KCNK13: variants seen among roughly 807,000 people sequenced by gnomAD.
KCNK13 encodes the protein potassium two pore domain channel subfamily K member 13, also known as potassium channel subfamily K member 13.
Under a neutral mutation model 23.4 loss-of-function variants are expected in KCNK13, and 12 were observed. The ratio of observed to expected loss-of-function variants is 0.51; its 90% CI spans 0.33 to 0.83. The LOEUF (loss-of-function observed/expected upper bound fraction) is 0.83. KCNK13 is among the 40% of genes least tolerant of loss of function. KCNK13 has a pLI of 0.02. For missense variants in KCNK13, 463 were observed against 556.3 expected (o/e 0.83, Z 1.69); for synonymous variants, 231 against 229.5 (o/e 1.01, Z -0.06).
intron 1 of KCNK13, among the ~76,000 whole-genome samples, chr14:90,104,364 T>A (rs1455631905): frequency 2.0e-5 from 3 of 152,178 alleles, no homozygotes; most frequent in Admixed American, 2.0e-4. Context: ...GTAACATCTT[T>A]GAAATCTATG....
intron 1 of KCNK13, among the ~76,000 whole-genome samples, chr14:90,135,290 C>T (rs76138838): frequency 0.099 from 15,072 of 152,158 alleles, 1,063 homozygotes; most frequent in Admixed American, 0.25. Flanking sequence ...AGTGTGCTGC[C>T]GTCAAGCGTC....
At position 90,062,354 on chromosome 14, in the gene KCNK13, A is replaced by G. The variant is rs1234927131; in HGVS notation, c.149A>G (p.Lys50Arg). 1.3e-5 allele frequency: 20 copies of G among 1,556,298 alleles called. No homozygotes were observed. The highest frequency in any genetic ancestry group is 1.6e-5 in the Non-Finnish European group (19 of 1,153,622). The change falls in exon 1 of 2, where the codon AAG becomes AGG. Residue 50 changes from lysine to arginine, a missense_variant. Physicochemically the swap from Lys to Arg is conservative, Grantham distance 26. Coordinates refer to ENST00000282146, the MANE Select transcript of KCNK13 (RefSeq NM_022054.4). This position sits in a 1 kb window ranked among gnomAD's most constrained non-coding sequence, Gnocchi z 4.5. ...GAGCTGGCGCACGAGCGCCAGGCCA[A>G]GCAGCGCTGGGAGGAGCGCCTGGCC... is the stretch of plus-strand genomic sequence containing the variant. ...ALELAHERQA[K>R]QRWEERLANF...
chr14:90,066,056 C>T (rs768651484), intron 1 of KCNK13, among the ~76,000 whole-genome samples: 1 of 152,148 alleles, frequency 6.6e-6, no homozygotes, highest in Non-Finnish European at 1.5e-5. Flanking sequence ...CCCTGCCTCC[C>T]GGGTTCAAGC....
At chr14:90,169,682 C>T (rs1890342660) in intron 1 of KCNK13, among the ~76,000 whole-genome samples, 1 of 152,150 alleles carries the variant, frequency 6.6e-6, no homozygotes, top group South Asian at 2.1e-4. Flanking sequence ...CCCCCTGGAC[C>T]TCTCCATGGG....
At chr14:90,159,719 AG>A (rs1380358319) in intron 1 of KCNK13, among the ~76,000 whole-genome samples, 2 of 152,226 alleles carry the variant, frequency 1.3e-5, no homozygotes, top group Non-Finnish European at 2.9e-5. Flanking sequence ...AAGTCCTACG[AG>A]GGTGGTACTG....
chr14:90,175,508 T>C (rs1233835161), intron 1 of KCNK13, among the ~76,000 whole-genome samples: 1 of 152,304 alleles, frequency 6.6e-6, no homozygotes, highest in East Asian at 1.9e-4. Context: ...TGAACCTCCA[T>C]TAAATTCCAC....
intron 1 of KCNK13, among the ~76,000 whole-genome samples, chr14:90,074,379 A>G (rs1227259503): frequency 6.6e-6 from 1 of 152,224 alleles, no homozygotes; most frequent in South Asian, 2.1e-4. Flanking sequence ...TTTGGTATGT[A>G]GAAAAGATTT....
intron 1 of KCNK13, among the ~76,000 whole-genome samples, chr14:90,087,142 ATATATATATATATT>A (rs1566949163): frequency 1.5e-4 from 17 of 113,430 alleles, no homozygotes; most frequent in African/African-American, 5.5e-4. Context: ...ATATATATAT[ATATATATATATATT>A]TTTTTTTTTT....
intron 1 of KCNK13, among the ~76,000 whole-genome samples, chr14:90,154,456 C>T (rs988859798): frequency 6.6e-6 from 1 of 152,038 alleles, no homozygotes; most frequent in Non-Finnish European, 1.5e-5. Flanking sequence ...TCTCTACCCA[C>T]AATGCCTGCT....
At chr14:90,077,637 T>C (rs1484676998) in intron 1 of KCNK13, among the ~76,000 whole-genome samples, 2 of 152,238 alleles carry the variant, frequency 1.3e-5, no homozygotes, top group African/African-American at 4.8e-5. Context: ...CTGATGGCCG[T>C]CTGCTGACAG....
intron 1 of KCNK13, among the ~76,000 whole-genome samples, chr14:90,141,173 C>G (rs1222892051): frequency 6.6e-6 from 1 of 152,230 alleles, no homozygotes; most frequent in Non-Finnish European, 1.5e-5. Flanking sequence ...AGGTTGACTG[C>G]ATTCCCAGGA....
chr14:90,062,555 G>A lies in KCNK13; in HGVS notation c.334+16G>A, dbSNP rs748483611. On this transcript the variant is annotated intron_variant, in intron 1 of 1. Coordinates refer to ENST00000282146, the MANE Select transcript of KCNK13 (RefSeq NM_022054.4). The surrounding 1 kb of genome is among the most constrained non-coding windows in gnomAD (Gnocchi z 4.5). Reference sequence around the variant, plus strand: ...TCCACCATAGGTAAGTGTGCTGGCCGGACTCGCTGACAACCTCCGGGCGGC... The same window carrying A: ...TCCACCATAGGTAAGTGTGCTGGCCAGACTCGCTGACAACCTCCGGGCGGC... 6.2e-6 allele frequency: 9 copies of A among 1,442,360 alleles called. No homozygotes were observed. In the Admixed American group the frequency reaches 1.6e-4, roughly 26 times the overall value. 89.3% of individuals were successfully genotyped at this position (1,442,360 alleles called of 1,614,324 possible).
At chr14:90,137,644 G>A (rs3926045) in intron 1 of KCNK13, among the ~76,000 whole-genome samples, 15,074 of 152,092 alleles carry the variant, frequency 0.099, 1,061 homozygotes, top group Admixed American at 0.25. Context: ...AAAATGACAC[G>A]TTGAGAACAA....
intron 1 of KCNK13, among the ~76,000 whole-genome samples, chr14:90,076,731 G>A (rs1169829025): frequency 2.6e-5 from 4 of 152,066 alleles, no homozygotes; most frequent in Non-Finnish European, 5.9e-5. Flanking sequence ...TTGTCTGAGC[G>A]TCTCTCTCTC....
chr14:90,150,262 T>C (rs183213961), intron 1 of KCNK13, among the ~76,000 whole-genome samples: 24 of 152,260 alleles, frequency 1.6e-4, no homozygotes, highest in African/African-American at 5.5e-4. Flanking sequence ...CGGCTGGTTT[T>C]GAACCTGGGA....
intron 1 of KCNK13, among the ~76,000 whole-genome samples, chr14:90,182,153 A>G (rs1890494896): frequency 6.6e-6 from 1 of 152,184 alleles, no homozygotes; most frequent in Non-Finnish European, 1.5e-5. Flanking sequence ...CAAAAGCTAT[A>G]CTTGGTATCT....
In KCNK13 at chr14:90,184,259, C is replaced by G; in HGVS notation, c.483C>G (p.His161Gln). ...TCGCCTACATCATGAAGTCGTGCCA[C>G]CAGCGGCAGCTCCGGAGACGAGGGG... Reference protein sequence around the residue: ...TIIAYIMKSCHQRQLRRRGAL... With the variant: ...TIIAYIMKSCQQRQLRRRGAL... Residue 161 changes from histidine to glutamine, a missense_variant, in exon 2 of 2, where the codon CAC (histidine) becomes CAG (glutamine). This residue lies in a region of KCNK13 where 144 missense variants were observed against 224.0 expected (regional missense o/e 0.64). Coordinates refer to ENST00000282146, the MANE Select transcript of KCNK13 (RefSeq NM_022054.4). The surrounding 1 kb of genome is among the most constrained non-coding windows in gnomAD (Gnocchi z 5.6). 6.2e-7 allele frequency: 1 copy of G among 1,614,242 alleles called. No individual in the cohort carries two copies. Among genetic ancestry groups the G allele is most frequent in the African/African-American group, 1.3e-5 (1 of 75,064 alleles).
At chr14:90,174,287 G>A (rs1385987337) in intron 1 of KCNK13, among the ~76,000 whole-genome samples, 1 of 152,114 alleles carries the variant, frequency 6.6e-6, no homozygotes, top group Non-Finnish European at 1.5e-5. Context: ...CCCAGCCTGG[G>A]CAACAAGAGC....
At chr14:90,139,797 A>G (rs1889982257) in intron 1 of KCNK13, among the ~76,000 whole-genome samples, 1 of 152,080 alleles carries the variant, frequency 6.6e-6, no homozygotes. Context: ...TCCCATCTCC[A>G]CTAAAAATAC....
Sources: gnomAD v4.1 joint callset for allele counts (sites outside exome capture counted in the v4.1 genomes callset) on GRCh38, gnomAD v4.1.1 for gene constraint, gnomAD v4.1.1 regional missense constraint, Gnocchi (gnomAD v3.1) non-coding constraint, MANE v1.5 for transcripts, NCBI Gene and HGNC (gene_info 2026-07-23, HGNC 2026-07-21) for gene names.